The following WNT7A variants were observed in gnomAD, a reference collection of about 807,000 sequenced individuals.
WNT7A encodes protein Wnt-7a.
In WNT7A, 16 loss-of-function variants were observed where a neutral mutation model predicts 28.2. The ratio of observed to expected loss-of-function variants is 0.57; its 90% CI spans 0.38 to 0.86. The LOEUF is 0.86. Among genes scored for constraint, WNT7A ranks in the 40% least tolerant of loss-of-function variants. The pLI is 0.00. For missense variants in WNT7A, 411 were observed against 489.7 expected (o/e 0.84, Z 1.52); for synonymous variants, 190 against 195.9 (o/e 0.97, Z 0.25).
At chr3:13,827,277 G>T (rs572551561) in intron 3 of WNT7A, among the ~76,000 whole-genome samples, 4 of 152,354 alleles carry the variant, frequency 2.6e-5, no homozygotes, top group Admixed American at 2.0e-4. Context: ...AGCAGCTGGG[G>T]TCTGTAAAGG....
At chr3:13,841,339 A>T (rs62234564) in intron 3 of WNT7A, among the ~76,000 whole-genome samples, 20,641 of 152,280 alleles carry the variant, frequency 0.14, 1,556 homozygotes, top group Middle Eastern at 0.19. Flanking sequence ...ATAAATTCTT[A>T]ATGAATGAAT....
Position 13,871,228 on chromosome 3 carries a change from T to C in WNT7A, c.298+3719A>G, listed in dbSNP as rs140846336. Among the ~76,000 whole-genome samples, 79 of 152,328 alleles carry C rather than the reference T, an allele frequency of 5.2e-4. 2 individuals carry two copies. In the East Asian group the frequency reaches 0.013, roughly 25 times the overall value. On this transcript the variant is annotated intron_variant, in intron 2 of 3. Coordinates refer to ENST00000285018, the MANE Select transcript of WNT7A (RefSeq NM_004625.4). ...CCTGGTGCTCAAAGTCAGGACTTAA[T>C]GGCCACAGCTCCAAAGGCCAGATTT...
At chr3:13,878,160 G>A (rs962567926) in intron 1 of WNT7A, among the ~76,000 whole-genome samples, 2 of 152,170 alleles carry the variant, frequency 1.3e-5, no homozygotes, top group African/African-American at 4.8e-5. Flanking sequence ...CCCCCGCAGG[G>A]CCAATCCGGG....
At chr3:13,848,458 G>A (rs1694575467) in intron 3 of WNT7A, among the ~76,000 whole-genome samples, 1 of 152,174 alleles carries the variant, frequency 6.6e-6, no homozygotes, top group Admixed American at 6.5e-5. Context: ...TATCCAGATG[G>A]CAAATAAGCA....
At chr3:13,869,163 C>G (rs111064676) in intron 2 of WNT7A, among the ~76,000 whole-genome samples, 13 of 126,074 alleles carry the variant, frequency 1.0e-4, no homozygotes, top group East Asian at 7.3e-4. Context: ...GAAGGAAGGA[C>G]GGAAAAGAGA....
chr3:13,879,612 C>A, intron 1 of WNT7A, 134 bp downstream of exon 1: 1 of 1,005,736 alleles, frequency 9.9e-7, no homozygotes, highest in South Asian at 1.6e-5. Flanking sequence ...CCACCGCTCC[C>A]ACACCGCACC....
chr3:13,878,513 T>A (rs1695147781), intron 1 of WNT7A, among the ~76,000 whole-genome samples: 3 of 152,160 alleles, frequency 2.0e-5, no homozygotes, highest in African/African-American at 7.2e-5. Context: ...CGCAGCCGCC[T>A]CTCCGCCGCT....
At position 13,856,451 on chromosome 3, in the gene WNT7A, G is replaced by C. The variant is rs370008609; in HGVS notation, c.299-1648C>G. Among the ~76,000 whole-genome samples, 18 of 152,318 alleles carry C rather than the reference G, an allele frequency of 1.2e-4. No individual in the cohort carries two copies. In the East Asian group the frequency reaches 3.3e-3, roughly 28 times the overall value. ...GGAACTCAGCTCAACTTTGGGGGTC[G>C]GGAAAGGGTATTATTTTAGCACCTA... On this transcript the variant is annotated intron_variant, in intron 2 of 3. Transcript: ENST00000285018.
rs910955550 is a variant in WNT7A, at chr3:13,818,755, T to G, written c.*189A>C. On this transcript the variant is annotated 3_prime_UTR_variant, in exon 4 of 4. Transcript: ENST00000285018. ...GGGGAGGGTGGAGCAGCATTGGGTG[T>G]GGAACAGAATAGTTGAGGGCTCTGA... The G allele has an allele frequency of 1.1e-6, 1 of 872,170 alleles. No homozygotes were observed. Among genetic ancestry groups the G allele is most frequent in the Non-Finnish European group, 1.7e-6 (1 of 600,182 alleles). 54.0% of individuals were successfully genotyped at this position (872,170 alleles called of 1,614,324 possible).
intron 2 of WNT7A, among the ~76,000 whole-genome samples, chr3:13,861,738 C>A (rs1397864594): frequency 2.0e-5 from 3 of 152,178 alleles, no homozygotes; most frequent in Non-Finnish European, 4.4e-5. Flanking sequence ...TCTGCCAGCC[C>A]TTCCTCTCCC....
At chr3:13,863,627 T>C (rs1243041397) in intron 2 of WNT7A, 1 of 152,136 alleles carries the variant, frequency 6.6e-6, no homozygotes, top group Non-Finnish European at 1.5e-5. Context: ...AAAAGTCCTT[T>C]GTTAGCTGCA....
At chr3:13,872,581 C>T (rs1369280257) in intron 2 of WNT7A, among the ~76,000 whole-genome samples, 4 of 152,172 alleles carry the variant, frequency 2.6e-5, no homozygotes, top group Non-Finnish European at 5.9e-5. Flanking sequence ...TCTTGGGCAC[C>T]TCTCTTTGCT....
At chr3:13,826,768 G>T (rs1694202912) in intron 3 of WNT7A, among the ~76,000 whole-genome samples, 1 of 152,164 alleles carries the variant, frequency 6.6e-6, no homozygotes, top group African/African-American at 2.4e-5. Flanking sequence ...CTAAAAAATT[G>T]ATTGCAAAAT....
chr3:13,838,220 G>A (rs1241985287), intron 3 of WNT7A, among the ~76,000 whole-genome samples: 1 of 152,182 alleles, frequency 6.6e-6, no homozygotes, highest in Non-Finnish European at 1.5e-5. Context: ...CTGCAGGAGT[G>A]GAGACCCAGG....
intron 3 of WNT7A, among the ~76,000 whole-genome samples, chr3:13,833,402 G>A (rs909806560): frequency 6.6e-6 from 1 of 152,204 alleles, no homozygotes; most frequent in African/African-American, 2.4e-5. Context: ...CATGAAGGGA[G>A]CCCATATGGT....
chr3:13,874,829 C>CCCAT, intron 2 of WNT7A, 118 bp downstream of exon 2: 1 of 1,051,928 alleles, frequency 9.5e-7, no homozygotes, highest in East Asian at 2.6e-5. Context: ...CCTGCAGGAC[C>CCCAT]CCATACTGAG....
chr3:13,850,843 G>C (rs1042298867), intron 3 of WNT7A, among the ~76,000 whole-genome samples: 4 of 151,950 alleles, frequency 2.6e-5, no homozygotes, highest in Admixed American at 1.3e-4. Flanking sequence ...CTCCTGCAGG[G>C]GGATGTCTAC....
intron 3 of WNT7A, among the ~76,000 whole-genome samples, chr3:13,842,098 G>A (rs1489869293): frequency 6.6e-6 from 1 of 152,128 alleles, no homozygotes; most frequent in African/African-American, 2.4e-5. Context: ...AGGGGCCTGT[G>A]AGCCACCGTG....
At chr3:13,871,656 C>G (rs575881704) in intron 2 of WNT7A, among the ~76,000 whole-genome samples, 3 of 152,178 alleles carry the variant, frequency 2.0e-5, no homozygotes, top group African/African-American at 7.2e-5. Flanking sequence ...TCCTTCCTGG[C>G]TGGTGGATTT....
Sources: allele counts gnomAD v4.1 joint callset (sites outside exome capture counted in the v4.1 genomes callset), GRCh38; gene constraint gnomAD v4.1.1; transcripts MANE v1.5; gene names NCBI Gene and HGNC (gene_info 2026-07-23, HGNC 2026-07-21).